Variants in BRD3 observed in about 807,000 individuals in gnomAD.
BRD3 encodes the protein bromodomain-containing protein 3.
In BRD3, 17 loss-of-function variants were observed where a neutral mutation model predicts 66.8. That is an observed-to-expected ratio of 0.25 (90% CI 0.17 to 0.38). The LOEUF (loss-of-function observed/expected upper bound fraction) is 0.38. Among genes scored for constraint, BRD3 ranks in the 10% least tolerant of loss-of-function variants. The pLI is 1.00. For synonymous variants in BRD3, 421 were observed against 393.2 expected, an observed-to-expected ratio of 1.07 and a Z score of -0.84; for missense variants, 713 against 956.1, an observed-to-expected ratio of 0.75 and a Z score of 3.35.
chr9:134,051,934 A>C (rs1344030772), intron 3 of BRD3, among the ~76,000 whole-genome samples: 1 of 125,612 alleles, frequency 8.0e-6, no homozygotes, highest in Non-Finnish European at 1.6e-5. Flanking sequence ...TCTGTCACCC[A>C]GGCTGGAGTG....
At chr9:134,067,711 G>GCGCCACCGCCGC (rs968112458) in intron 1 of BRD3, among the ~76,000 whole-genome samples, 7 of 145,644 alleles carry the variant, frequency 4.8e-5, no homozygotes, top group Admixed American at 6.8e-5. Context: ...AGCGGAGCCC[G>GCGCCACCGCCGC]CGCCACCGCC....
chr9:134,048,307 G>A lies in BRD3; in HGVS notation c.862C>T (p.Pro288Ser), dbSNP rs2132416602. 2 of 1,601,472 alleles carry A rather than the reference G, an allele frequency of 1.2e-6. No individual in the cohort carries two copies. Among genetic ancestry groups the A allele is most frequent in the Non-Finnish European group, 1.7e-6 (2 of 1,178,802 alleles). ...CCGTCCTCCAGGTCCTTCTTGGGAG[G>A]CTTGATGGGGCGGCCACCACTCTCC... Reference protein sequence around the residue: ...RRESGGRPIKPPKKDLEDGEV... With the variant: ...RRESGGRPIKSPKKDLEDGEV... Residue 288 changes from proline to serine, a missense_variant, in exon 6 of 12, where the codon CCT becomes TCT. Pro to Ser is a moderately conservative substitution (Grantham distance 74). Around this residue, in one of 5 missense-constraint regions of BRD3, gnomAD observed 418 missense variants for 609.3 expected, o/e 0.69. Coordinates refer to ENST00000303407, the MANE Select transcript of BRD3 (RefSeq NM_007371.4).
intron 9 of BRD3, chr9:134,036,663 A>G: frequency 8.4e-7 from 1 of 1,196,252 alleles, no homozygotes; most frequent in East Asian, 2.4e-5. Context: ...GGAAAAAGAA[A>G]ATAATAAAAT....
In BRD3 at chr9:134,036,456, A is replaced by C. The variant is rs1213858345; in HGVS notation, c.1644-132T>G. On this transcript the variant is annotated intron_variant, in intron 9 of 11. Transcript: ENST00000303407. ...AGCTTTCTTCCCAAAGTGGTGCCCC[A>C]AGGCAGAAAATCCAAGGTTAGAAAA... 3 of 1,577,172 alleles carry C rather than the reference A, an allele frequency of 1.9e-6. No homozygotes were observed. The Admixed American group carries it at 5.7e-5, about 30-fold the overall frequency.
intron 3 of BRD3, among the ~76,000 whole-genome samples, 181 bp from the exon 4 acceptor site, chr9:134,051,890 T>TGTGTA (rs1564555926): frequency 5.6e-5 from 5 of 89,880 alleles, no homozygotes; most frequent in African/African-American, 3.2e-4. Flanking sequence ...GTTTTTTTTG[T>TGTGTA]TTTTTTTTTT....
intron 9 of BRD3, 68 bp downstream of exon 9, chr9:134,039,966 C>T (rs1830004549): frequency 6.6e-7 from 1 of 1,522,884 alleles, no homozygotes; most frequent in Admixed American, 2.1e-5. Flanking sequence ...CCCAGCACTG[C>T]TGCTACATGA....
intron 5 of BRD3, among the ~76,000 whole-genome samples, chr9:134,050,016 G>A (rs542344933): frequency 2.8e-4 from 42 of 152,324 alleles, no homozygotes; most frequent in Admixed American, 5.9e-4. Flanking sequence ...GGTAGGTACA[G>A]CTGGCACCAC....
intron 1 of BRD3, chr9:134,056,624 C>G (rs1184093234): frequency 6.6e-6 from 1 of 152,382 alleles, no homozygotes; most frequent in African/African-American, 2.4e-5. Context: ...GGGGTGGCAT[C>G]CCCCTCAAGC....
intron 7 of BRD3, among the ~76,000 whole-genome samples, chr9:134,042,696 CACACACATATATAT>C (rs140578741): frequency 0.25 from 37,482 of 149,708 alleles, 5,860 homozygotes; most frequent in East Asian, 0.62. Context: ...CACACATATA[CACACACATATATAT>C]ACACATATAT....
In BRD3 at chr9:134,033,004, C is replaced by A. The variant is rs188136801; in HGVS notation, c.*586G>T. ...GAACGCACATCCCACCCGACCACCC[C>A]CCAAGGGCTCCACGCTCCGGGCTGG... On this transcript the variant is annotated 3_prime_UTR_variant, in exon 12 of 12. Coordinates refer to ENST00000303407, the MANE Select transcript of BRD3 (RefSeq NM_007371.4). The surrounding 1 kb of genome is among the most constrained non-coding windows in gnomAD (Gnocchi z 5.1). 1.1e-4 allele frequency: 45 copies of A among 397,818 alleles called. No homozygotes were observed. The highest frequency in any genetic ancestry group is 5.7e-4 in the South Asian group (4 of 7,004). 24.6% of individuals were successfully genotyped at this position (397,818 alleles called of 1,614,324 possible).
intron 6 of BRD3, among the ~76,000 whole-genome samples, chr9:134,047,467 C>T (rs1408950312): frequency 1.3e-5 from 2 of 152,198 alleles, no homozygotes; most frequent in Admixed American, 6.5e-5. Flanking sequence ...ATGCCGCACC[C>T]ACCACCACCC....
rs1830151319 is a variant in BRD3, at chr9:134,045,655, G to A, written c.1087-234C>T. ...GGCAGGGAGGGTCTGGGACTCCAGA[G>A]ACAGATCTCCTGATTGGAAGAAAAA... On this transcript the variant is annotated intron_variant, in intron 6 of 11. Transcript: ENST00000303407. This position sits in a 1 kb window ranked among gnomAD's most constrained non-coding sequence, Gnocchi z 4.8. Among the ~76,000 whole-genome samples, 1 of 152,200 alleles carries A rather than the reference G, an allele frequency of 6.6e-6. No homozygotes were observed. Among genetic ancestry groups the A allele is most frequent in the African/African-American group, 2.4e-5 (1 of 41,448 alleles).
chr9:134,051,974 T>C (rs990855863), intron 3 of BRD3, among the ~76,000 whole-genome samples: 7 of 139,336 alleles, frequency 5.0e-5, no homozygotes, highest in Non-Finnish European at 7.7e-5. Flanking sequence ...CACTGCAACC[T>C]CCACCTCCCG....
intron 4 of BRD3, 90 bp from the exon 5 acceptor site, chr9:134,050,678 T>C: frequency 9.1e-7 from 1 of 1,102,402 alleles, no homozygotes; most frequent in Non-Finnish European, 1.3e-6. Flanking sequence ...AGAACACGGG[T>C]ACCAGCTCTG....
At chr9:134,054,023 G>A (rs575298171) in intron 1 of BRD3, 108 of 156,860 alleles carry the variant, frequency 6.9e-4, no homozygotes, top group Middle Eastern at 3.3e-3. Flanking sequence ...TGACCCATGC[G>A]TGGACAGCCA....
rs202180006 is a variant in BRD3 at position 134,051,578 on chromosome 9, C to T, written c.483G>A (p.Ala161=). ...TCCCTTTACCTGCGCTCTGGGCTCC[C>T]GCAGCCGGCTTCCGACCTTTGCCCT... The part of the protein sequence containing the change: ...APKGKGRKPA[A]GAQSAGTQQV... Residue 161 remains alanine, a synonymous_variant, in exon 4 of 12, where the codon GCG becomes GCA. Transcript: ENST00000303407. 6.5e-5 allele frequency: 101 copies of T among 1,556,280 alleles called. No homozygotes were observed. Among genetic ancestry groups the T allele is most frequent in the Middle Eastern group, 1.9e-4 (1 of 5,216 alleles).
At chr9:134,047,714 G>A (rs943486509) in intron 6 of BRD3, among the ~76,000 whole-genome samples, 11 of 152,206 alleles carry the variant, frequency 7.2e-5, no homozygotes, top group Non-Finnish European at 7.3e-5. Flanking sequence ...GCCTGTATCC[G>A]GGGCTTGAGG....
At chr9:134,051,880 G>GTTGTTTTTTTTTTTT (rs1564555861) in intron 3 of BRD3, among the ~76,000 whole-genome samples, 171 bp from the exon 4 acceptor site, 1 of 113,660 alleles carries the variant, frequency 8.8e-6, no homozygotes, top group African/African-American at 3.6e-5. Flanking sequence ...TGTGTGTGTT[G>GTTGTTTTTTTTTTTT]TTTTTTTTGT....
intron 3 of BRD3, 133 bp from the exon 4 acceptor site, chr9:134,051,842 A>AATAT (rs550246502): frequency 1.3e-6 from 1 of 774,386 alleles, no homozygotes; most frequent in African/African-American, 2.1e-5. Flanking sequence ...GAACAAAATG[A>AATAT]ATATATGTGT....
Sources: gnomAD v4.1 joint callset for allele counts (sites outside exome capture counted in the v4.1 genomes callset) on GRCh38, gnomAD v4.1.1 for gene constraint, gnomAD v4.1.1 regional missense constraint, Gnocchi (gnomAD v3.1) non-coding constraint, MANE v1.5 for transcripts, NCBI Gene and HGNC (gene_info 2026-07-23, HGNC 2026-07-21) for gene names.